ZFAND3: variants seen among roughly 807,000 people sequenced by gnomAD.
The protein encoded by ZFAND3 is AN1-type zinc finger protein 3.
In ZFAND3, 10 loss-of-function variants were observed where a neutral mutation model predicts 29.6. That is an observed-to-expected ratio of 0.34 (90% CI 0.21 to 0.57). The LOEUF is 0.57. Among genes scored for constraint, ZFAND3 ranks in the 20% least tolerant of loss-of-function variants. The pLI is 0.86. For missense variants in ZFAND3, 230 were observed against 304.5 expected (o/e 0.76, Z 1.82); for synonymous variants, 128 against 112.6 (o/e 1.14, Z -0.87).
At chr6:38,035,068 G>A (rs934656235) in intron 2 of ZFAND3, among the ~76,000 whole-genome samples, 1 of 151,474 alleles carries the variant, frequency 6.6e-6, no homozygotes, top group African/African-American at 2.4e-5. Flanking sequence ...TTGAGCTTTC[G>A]GGGTTCATAA....
chr6:37,886,323 C>T (rs890893585), intron 1 of ZFAND3, among the ~76,000 whole-genome samples: 1 of 146,546 alleles, frequency 6.8e-6, no homozygotes, highest in African/African-American at 2.5e-5. Flanking sequence ...TTACTACAAC[C>T]AACCTTAATG....
intron 3 of ZFAND3, among the ~76,000 whole-genome samples, chr6:38,066,212 T>C (rs370003400): frequency 2.0e-5 from 3 of 152,216 alleles, no homozygotes; most frequent in East Asian, 3.8e-4. Flanking sequence ...ACCTTGAGTT[T>C]GTTAAGAGCT....
At chr6:37,831,038 A>G (rs1431790188) in intron 1 of ZFAND3, among the ~76,000 whole-genome samples, 2 of 152,190 alleles carry the variant, frequency 1.3e-5, no homozygotes, top group East Asian at 1.9e-4. Flanking sequence ...CCAGAAAACC[A>G]GCTGAACCAA....
intron 1 of ZFAND3, among the ~76,000 whole-genome samples, chr6:37,893,779 C>T (rs1765147246): frequency 6.6e-6 from 1 of 152,086 alleles, no homozygotes; most frequent in Non-Finnish European, 1.5e-5. Context: ...GTCTCGAACT[C>T]CTGAACTCAG....
intron 5 of ZFAND3, among the ~76,000 whole-genome samples, chr6:38,137,504 A>G (rs754556360): frequency 2.6e-5 from 4 of 152,178 alleles, no homozygotes; most frequent in Non-Finnish European, 5.9e-5. Context: ...CATTCTGTTC[A>G]TCTTTATTGA....
chr6:37,972,350 T>C (rs549494707), intron 2 of ZFAND3, among the ~76,000 whole-genome samples: 1 of 152,332 alleles, frequency 6.6e-6, no homozygotes, highest in South Asian at 2.1e-4. Flanking sequence ...CACTCAAAGT[T>C]TATACTTGCC....
chr6:37,853,412 G>GGAAAA (rs71542141), intron 1 of ZFAND3, among the ~76,000 whole-genome samples: 1 of 65,878 alleles, frequency 1.5e-5, no homozygotes, highest in Non-Finnish European at 3.3e-5. Flanking sequence ...TGAGCCTCAA[G>GGAAAA]AAAAAAAAAA....
chr6:38,056,950 T>TG (rs1764144277), intron 2 of ZFAND3, among the ~76,000 whole-genome samples: 1 of 152,244 alleles, frequency 6.6e-6, no homozygotes, highest in Non-Finnish European at 1.5e-5. Context: ...CAGTTTGCTT[T>TG]GGAAAAGCTT....
intron 2 of ZFAND3, among the ~76,000 whole-genome samples, chr6:38,055,600 G>A (rs1024702193): frequency 6.6e-6 from 1 of 152,138 alleles, no homozygotes; most frequent in Non-Finnish European, 1.5e-5. Context: ...CTTCTACTTC[G>A]AATTTGGTTT....
chr6:37,965,842 G>C (rs879803698), intron 2 of ZFAND3, among the ~76,000 whole-genome samples: 2 of 152,124 alleles, frequency 1.3e-5, no homozygotes, highest in Non-Finnish European at 2.9e-5. Context: ...GCTCACTTCA[G>C]CCTCGGCCTC....
intron 4 of ZFAND3, among the ~76,000 whole-genome samples, chr6:38,089,536 C>G (rs73419977): frequency 6.6e-6 from 1 of 152,232 alleles, no homozygotes; most frequent in African/African-American, 2.4e-5. Flanking sequence ...GTGCTGAACA[C>G]TTTCACATCA....
chr6:38,054,275 T>G (rs1374586368), intron 2 of ZFAND3, among the ~76,000 whole-genome samples: 3 of 149,846 alleles, frequency 2.0e-5, no homozygotes, highest in Non-Finnish European at 3.0e-5. Flanking sequence ...GCACCTATAG[T>G]CCCAGCTACT....
At chr6:38,140,442 A>T (rs757034602) in intron 5 of ZFAND3, among the ~76,000 whole-genome samples, 1 of 152,186 alleles carries the variant, frequency 6.6e-6, no homozygotes, top group Non-Finnish European at 1.5e-5. Context: ...TCTAAGTGAT[A>T]ATTGAAAAGG....
intron 1 of ZFAND3, among the ~76,000 whole-genome samples, chr6:37,828,919 G>A (rs867603658): frequency 2.6e-5 from 4 of 152,106 alleles, no homozygotes; most frequent in Middle Eastern, 6.8e-3. Flanking sequence ...CAAAGTGCTG[G>A]GATTACAGGC....
At chr6:37,848,646 C>T (rs1029941119) in intron 1 of ZFAND3, among the ~76,000 whole-genome samples, 1 of 152,132 alleles carries the variant, frequency 6.6e-6, no homozygotes. Flanking sequence ...CTTGAGTTGT[C>T]GTAACTTAAA....
At chr6:38,002,644 G>A (rs1762970628) in intron 2 of ZFAND3, among the ~76,000 whole-genome samples, 1 of 152,028 alleles carries the variant, frequency 6.6e-6, no homozygotes, top group African/African-American at 2.4e-5. Flanking sequence ...CAGCCTGGGT[G>A]AAAGAGTGAG....
intron 1 of ZFAND3, among the ~76,000 whole-genome samples, chr6:37,918,856 C>G (rs184033887): frequency 6.6e-6 from 1 of 151,324 alleles, no homozygotes; most frequent in East Asian, 1.9e-4. Context: ...TGTTATCTCT[C>G]TTAAATTTGT....
At chr6:37,963,962 G>T (rs561907204) in intron 2 of ZFAND3, among the ~76,000 whole-genome samples, 1 of 152,116 alleles carries the variant, frequency 6.6e-6, no homozygotes, top group East Asian at 1.9e-4. Flanking sequence ...CTACTTTTCT[G>T]GAAGAATTGT....
chr6:38,004,202 A>G (rs1763003168), intron 2 of ZFAND3, among the ~76,000 whole-genome samples: 1 of 152,190 alleles, frequency 6.6e-6, no homozygotes, highest in Non-Finnish European at 1.5e-5. Context: ...ATCCCAGAAC[A>G]TGGATATATT....
Sources: allele counts gnomAD v4.1 joint callset (sites outside exome capture counted in the v4.1 genomes callset), GRCh38; gene constraint gnomAD v4.1.1; transcripts MANE v1.5; gene names NCBI Gene and HGNC (gene_info 2026-07-23, HGNC 2026-07-21).